Variants in NLRP5 observed in about 807,000 individuals in gnomAD.
NLRP5 encodes NACHT, LRR and PYD domains-containing protein 5.
NLRP5 carries 93 observed loss-of-function variants against 113.1 expected under a neutral mutation model. That is an observed-to-expected ratio of 0.82 (90% confidence interval 0.70 to 0.98). The LOEUF (loss-of-function observed/expected upper bound fraction) is 0.98. Among genes scored for constraint, NLRP5 ranks in the 50% least tolerant of loss-of-function variants. The pLI is 0.00. For synonymous variants in NLRP5, 751 were observed against 600.7 expected, an observed-to-expected ratio of 1.25 and a Z score of -3.66; for missense variants, 1,808 against 1,514.3, an observed-to-expected ratio of 1.19 and a Z score of -3.22.
chr19:56,005,785 G>A (rs1435944272), intron 2 of NLRP5, among the ~76,000 whole-genome samples: 3 of 152,188 alleles, frequency 2.0e-5, no homozygotes, highest in African/African-American at 4.8e-5. Flanking sequence ...CCCAGGAAGA[G>A]AGTGCATAAA....
At chr19:56,053,589 C>T (rs776775300) in intron 12 of NLRP5, 49 bp from the exon 13 acceptor site, 2 of 1,543,444 alleles carry the variant, frequency 1.3e-6, no homozygotes, top group Non-Finnish European at 8.8e-7. Flanking sequence ...TCCCGCTGTT[C>T]CACTTTCCTC....
At chr19:55,991,723 T>C in the NLRP5 span, among the ~76,000 whole-genome samples, 1 of 152,206 alleles carries the variant, frequency 6.6e-6, no homozygotes, top group Admixed American at 6.5e-5. Flanking sequence ...ATGTTAATTT[T>C]CACCTTTTTC....
intron 3 of NLRP5, among the ~76,000 whole-genome samples, chr19:56,013,041 CTATTA>C (rs1431052235): frequency 6.6e-6 from 1 of 152,088 alleles, no homozygotes; most frequent in African/African-American, 2.4e-5. Context: ...AACCACATAC[CTATTA>C]GCCATCACTC....
At chr19:55,998,478 C>G (rs1381880352), upstream of NLRP5, among the ~76,000 whole-genome samples, 2 of 151,590 alleles carry the variant, frequency 1.3e-5, no homozygotes, top group Admixed American at 6.6e-5. Flanking sequence ...CTAGTGAAAC[C>G]CTGTCTCTAC....
At chr19:56,021,494 CA>C (rs1475436723) in intron 6 of NLRP5, among the ~76,000 whole-genome samples, 1 of 152,146 alleles carries the variant, frequency 6.6e-6, no homozygotes, top group Non-Finnish European at 1.5e-5. Flanking sequence ...TCCTCTCCCT[CA>C]AAACTCTGGA....
rs756821750 is a variant in NLRP5 at position 56,027,133 on chromosome 19, G to A, written c.900G>A (p.Val300=). ...AATCGGCTCTAGCCAGAAGGATCGT[G>A]CTGTGCTGGGCGCAAGGTGGACTCT... is the stretch of plus-strand genomic sequence containing the variant. The change falls in exon 7 of 15, where the codon GTG becomes GTA. Residue 300 remains valine (V), a synonymous_variant. Transcript: ENST00000390649. 3 of 1,596,394 alleles carry A rather than the reference G, an allele frequency of 1.9e-6. No homozygotes were observed. Among genetic ancestry groups the A allele is most frequent in the Non-Finnish European group, 1.7e-6 (2 of 1,171,626 alleles).
At chr19:56,040,851 T>G in intron 10 of NLRP5, 71 bp from the exon 11 acceptor site, 4 of 1,347,230 alleles carry the variant, frequency 3.0e-6, no homozygotes, top group Non-Finnish European at 4.1e-6. Flanking sequence ...TTCCCCTCCT[T>G]GTAAAGGAGG....
chr19:56,007,765 G>C (rs1376033660), intron 2 of NLRP5, among the ~76,000 whole-genome samples: 1 of 143,348 alleles, frequency 7.0e-6, no homozygotes, highest in Non-Finnish European at 1.5e-5. Flanking sequence ...AGACGAGTTT[G>C]AGGTCTTTCT....
intron 13 of NLRP5, among the ~76,000 whole-genome samples, chr19:56,056,364 T>C (rs1373875787): frequency 6.6e-6 from 1 of 151,652 alleles, no homozygotes; most frequent in Admixed American, 6.6e-5. Flanking sequence ...TCGAGACCAG[T>C]GTGCCAACAT....
Position 56,027,326 on chromosome 19 carries a change from G to A in NLRP5, c.1093G>A (p.Asp365Asn), listed in dbSNP as rs1471811474. 12 of 1,612,568 alleles carry A rather than the reference G, an allele frequency of 7.4e-6. No individual in the cohort carries two copies. Among genetic ancestry groups the A allele is most frequent in the African/African-American group, 1.3e-5 (1 of 75,018 alleles). ...GCTGTTGTTCATCATTGACGGTTTC[G>A]ATGACCTGGGCTCTGTCCTCAACAA... Residue 365 changes from aspartate (D) to asparagine (N), a missense_variant, in exon 7 of 15, where the codon GAT becomes AAT. Physicochemically the swap from Asp to Asn is conservative, Grantham distance 23. Coordinates refer to ENST00000390649, the MANE Select transcript of NLRP5 (RefSeq NM_153447.4).
At chr19:56,057,127 CTCAG>C (rs1401625765) in intron 13 of NLRP5, among the ~76,000 whole-genome samples, 1 of 152,198 alleles carries the variant, frequency 6.6e-6, no homozygotes, top group Non-Finnish European at 1.5e-5. Flanking sequence ...TAGAGCAAGA[CTCAG>C]TCTGTGCATT....
intron 12 of NLRP5, 28 bp downstream of exon 12, chr19:56,050,616 C>T (rs924981621): frequency 3.1e-6 from 5 of 1,605,000 alleles, no homozygotes; most frequent in Non-Finnish European, 4.3e-6. Context: ...GTTGGGTCAA[C>T]TCTATCATAC....
intron 14 of NLRP5, among the ~76,000 whole-genome samples, chr19:56,060,992 T>A (rs1398827326): frequency 6.6e-6 from 1 of 150,784 alleles, no homozygotes; most frequent in Non-Finnish European, 1.5e-5. Flanking sequence ...AAAGAGGAGA[T>A]CTAGAAAGTC....
intron 5 of NLRP5, among the ~76,000 whole-genome samples, chr19:56,020,092 A>C (rs1982559554): frequency 1.3e-5 from 2 of 151,848 alleles, no homozygotes; most frequent in African/African-American, 4.9e-5. Flanking sequence ...TCGGCCTCCC[A>C]AAGTGCTGGG....
At chr19:56,028,611 T>A (rs763530363) in intron 7 of NLRP5, 102 bp downstream of exon 7, 14 of 1,165,692 alleles carry the variant, frequency 1.2e-5, no homozygotes, top group Non-Finnish European at 1.7e-5. Flanking sequence ...TCCCAGAGAA[T>A]TCTTTCAGGA....
chr19:56,023,565 C>T (rs757511337), intron 6 of NLRP5, among the ~76,000 whole-genome samples: 6 of 151,998 alleles, frequency 3.9e-5, no homozygotes, highest in Non-Finnish European at 5.9e-5. Flanking sequence ...GTGTAGACAT[C>T]GTGTTAGATA....
chr19:55,988,892 T>C, the NLRP5 span, among the ~76,000 whole-genome samples: 7 of 152,290 alleles, frequency 4.6e-5, no homozygotes, highest in East Asian at 1.4e-3. Context: ...ATCCAGGTGG[T>C]TTATGTTAAC....
In NLRP5 at chr19:56,022,740, T is replaced by G. The variant is rs79322114; in HGVS notation, c.679+2309T>G. On this transcript the variant is annotated intron_variant, in intron 6 of 14. Transcript: ENST00000390649. ...AAGATGAGGTTTTTTGTTTTTTGTT[T>G]TGAGACTGAGTTTAGCTCTTGTTGT... Among the ~76,000 whole-genome samples the G allele has an allele frequency of 2.7e-3, 404 of 152,324 alleles. 7 individuals are homozygous for G. The East Asian group carries it at 0.047, about 18-fold the overall frequency.
chr19:56,026,527 CAAAAAAAAA>C (rs375845864), intron 6 of NLRP5, among the ~76,000 whole-genome samples: 3 of 40,346 alleles, frequency 7.4e-5, no homozygotes, highest in Non-Finnish European at 1.3e-4. Context: ...GACTCCATCT[CAAAAAAAAA>C]AAAAAAAAAA....
Sources: allele counts gnomAD v4.1 joint callset (sites outside exome capture counted in the v4.1 genomes callset), GRCh38; gene constraint gnomAD v4.1.1; transcripts MANE v1.5; gene names NCBI Gene and HGNC (gene_info 2026-07-23, HGNC 2026-07-21).